TCF12: variants seen among roughly 807,000 people sequenced by gnomAD.
The protein encoded by TCF12 is DNA-binding protein HTF4.
In TCF12, 45 loss-of-function variants were observed where a neutral mutation model predicts 86.0. The observed-to-expected ratio is 0.52, with a 90% CI of 0.41 to 0.67. The LOEUF (loss-of-function observed/expected upper bound fraction) is 0.67. Among genes scored for constraint, TCF12 ranks in the 30% least tolerant of loss-of-function variants. The pLI, the probability that TCF12 is intolerant of heterozygous loss-of-function variation, is 0.00. For missense variants in TCF12, 881 were observed against 859.9 expected, an observed-to-expected ratio of 1.02 and a Z score of -0.31; for synonymous variants, 330 against 299.6, an observed-to-expected ratio of 1.10 and a Z score of -1.05.
At chr15:57,207,864 C>T (rs897760984) in intron 8 of TCF12, among the ~76,000 whole-genome samples, 2 of 151,726 alleles carry the variant, frequency 1.3e-5, no homozygotes, top group African/African-American at 4.8e-5. Flanking sequence ...ATTTAGAAAA[C>T]TTATTTGCTA....
intron 3 of TCF12, among the ~76,000 whole-genome samples, chr15:56,923,950 A>T (rs1275310000): frequency 6.6e-6 from 1 of 152,024 alleles, no homozygotes; most frequent in Non-Finnish European, 1.5e-5. Context: ...AGATAATTGT[A>T]GGAAGTATTT....
intron 3 of TCF12, among the ~76,000 whole-genome samples, chr15:56,955,530 A>G (rs2061471970): frequency 1.3e-5 from 2 of 152,166 alleles, no homozygotes; most frequent in Admixed American, 6.5e-5. Flanking sequence ...GTGCACATGT[A>G]CCCTAGAACC....
chr15:57,218,222 C>G (rs1015466099), intron 8 of TCF12, among the ~76,000 whole-genome samples: 6 of 152,132 alleles, frequency 3.9e-5, no homozygotes, highest in African/African-American at 1.4e-4. Context: ...GATGTGCCCC[C>G]TTTTGCAGCT....
At chr15:57,077,275 A>C (rs1289788811) in intron 4 of TCF12, among the ~76,000 whole-genome samples, 1 of 151,526 alleles carries the variant, frequency 6.6e-6, no homozygotes, top group Non-Finnish European at 1.5e-5. Flanking sequence ...TGATTCATGC[A>C]TATGATATAT....
chr15:57,067,770 C>T (rs1445560150), intron 4 of TCF12, among the ~76,000 whole-genome samples: 1 of 152,092 alleles, frequency 6.6e-6, no homozygotes, highest in Non-Finnish European at 1.5e-5. Context: ...CACACATGAA[C>T]ATATAGATAG....
At chr15:57,189,808 G>A (rs1364417552) in intron 6 of TCF12, among the ~76,000 whole-genome samples, 4 of 141,580 alleles carry the variant, frequency 2.8e-5, no homozygotes, top group Admixed American at 7.1e-5. Context: ...ACTATTCACA[G>A]TAGTTAAAAG....
At chr15:57,013,175 T>C (rs1273421423) in intron 3 of TCF12, among the ~76,000 whole-genome samples, 5 of 152,168 alleles carry the variant, frequency 3.3e-5, no homozygotes, top group Admixed American at 1.3e-4. Context: ...AAAATTAATA[T>C]TTGGCATCAG....
intron 12 of TCF12, among the ~76,000 whole-genome samples, chr15:57,236,117 T>C (rs2059370074): frequency 6.6e-6 from 1 of 152,196 alleles, no homozygotes; most frequent in Admixed American, 6.5e-5. Flanking sequence ...ATAAATCATT[T>C]CTGTCATAGC....
At position 57,091,946 on chromosome 15, in the gene TCF12, A is replaced by G. The variant is rs1030250110; in HGVS notation, c.325+55A>G. The G allele has an allele frequency of 1.4e-5, 20 of 1,459,084 alleles. No homozygotes were observed. In the African/African-American group the frequency reaches 1.8e-4, roughly 13 times the overall value. The allele number at this position is 1,459,084 out of a possible 1,614,324, so 90.4% of individuals were successfully genotyped here. ...TCTCAAAGCTTCTTTGGTCAGAGACATTTTTTATCCCTTTGTCCAGGAGGG... is the reference window on the plus strand; with the variant it reads ...TCTCAAAGCTTCTTTGGTCAGAGACGTTTTTTATCCCTTTGTCCAGGAGGG... On this transcript the variant is annotated intron_variant, in intron 5 of 20. Transcript: ENST00000333725.
intron 16 of TCF12, among the ~76,000 whole-genome samples, chr15:57,255,592 T>C (rs191608929): frequency 5.3e-5 from 8 of 152,280 alleles, no homozygotes; most frequent in Non-Finnish European, 1.0e-4. Context: ...TAAGCAATTC[T>C]CCTGCCTCAG....
intron 3 of TCF12, among the ~76,000 whole-genome samples, chr15:57,017,815 T>A (rs1156846070): frequency 6.6e-6 from 1 of 151,834 alleles, no homozygotes; most frequent in Non-Finnish European, 1.5e-5. Context: ...GACTCTGGTA[T>A]GTGGCCTTAC....
chr15:56,961,254 T>C (rs2061739618), intron 3 of TCF12, among the ~76,000 whole-genome samples: 1 of 152,246 alleles, frequency 6.6e-6, no homozygotes, highest in Admixed American at 6.5e-5. Context: ...ATACATCTGA[T>C]AGATGAGAGA....
intron 3 of TCF12, among the ~76,000 whole-genome samples, chr15:56,926,811 CTAA>C (rs2060035744): frequency 6.6e-6 from 1 of 152,168 alleles, no homozygotes; most frequent in African/African-American, 2.4e-5. Context: ...TAAAACAGGA[CTAA>C]TAATAGTCGT....
chr15:56,969,409 A>G (rs1462494126), intron 3 of TCF12, among the ~76,000 whole-genome samples: 1 of 152,204 alleles, frequency 6.6e-6, no homozygotes, highest in Non-Finnish European at 1.5e-5. Context: ...TGCTACAGAA[A>G]GAGAATAGAG....
chr15:57,143,080 CATT>C lies in TCF12; in HGVS notation c.326-23316_326-23314del, dbSNP rs576499790. Among the ~76,000 whole-genome samples, 752 of 149,924 alleles carry C rather than the reference CATT, an allele frequency of 5.0e-3. 17 individuals carry two copies. Among genetic ancestry groups the C allele is most frequent in the Non-Finnish European group, 2.5e-3 (166 of 67,640 alleles). The stretch of plus-strand genomic sequence containing the variant: ...ATGGATACCGCATTTACCCTGACAT[CATT>C]ATTATGCATTGCCTACCTTTACCAA... On this transcript the variant is annotated intron_variant, in intron 5 of 20. Coordinates refer to ENST00000333725, the MANE Select transcript of TCF12 (RefSeq NM_207037.2).
intron 3 of TCF12, among the ~76,000 whole-genome samples, chr15:56,994,050 T>C (rs1319907623): frequency 6.6e-6 from 1 of 151,860 alleles, no homozygotes; most frequent in African/African-American, 2.4e-5. Context: ...AAATAGAAGA[T>C]ACAAAGAAAT....
intron 5 of TCF12, among the ~76,000 whole-genome samples, chr15:57,109,515 T>G (rs761721370): frequency 2.0e-5 from 3 of 152,244 alleles, no homozygotes; most frequent in Non-Finnish European, 4.4e-5. Context: ...CTATGAGTAT[T>G]CGAATTTCTA....
At chr15:57,278,728 C>CTCTCTCCCTCCCT (rs2061527649) in intron 19 of TCF12, 1 of 80,752 alleles carries the variant, frequency 1.2e-5, no homozygotes, top group Non-Finnish European at 2.3e-5. Flanking sequence ...CTCCCTCCCT[C>CTCTCTCCCTCCCT]CCCTCTCTCT....
chr15:57,264,794 A>G (rs2060771166), intron 18 of TCF12, among the ~76,000 whole-genome samples: 1 of 152,042 alleles, frequency 6.6e-6, no homozygotes, highest in African/African-American at 2.4e-5. Context: ...CAGTGGCACA[A>G]TCTTGGCTCA....
Sources: allele counts gnomAD v4.1 joint callset (sites outside exome capture counted in the v4.1 genomes callset), GRCh38; gene constraint gnomAD v4.1.1; transcripts MANE v1.5; gene names NCBI Gene and HGNC (gene_info 2026-07-23, HGNC 2026-07-21).